The following DERPC variants were observed in gnomAD, a reference collection of about 807,000 sequenced individuals.
DERPC encodes the protein DERPC proline and glycine rich nuclear protein.
In DERPC, 1 loss-of-function variant was observed where a neutral mutation model predicts 7.2. The ratio of observed to expected loss-of-function variants is 0.14; its 90% CI spans 0.05 to 0.66. The LOEUF is 0.66. Ranked by LOEUF, DERPC falls within the 30% of genes least tolerant of loss-of-function variation. The pLI, the probability that DERPC is intolerant of heterozygous loss-of-function variation, is 0.84. For missense variants in DERPC, 502 were observed against 299.4 expected (o/e 1.68, Z -4.99); for synonymous variants, 185 against 117.6 (o/e 1.57, Z -3.71).
At position 69,118,391 on chromosome 16, in the gene DERPC, G is replaced by C. The variant is rs766558916; in HGVS notation, c.*463C>G. 6.2e-7 allele frequency: 1 copy of C among 1,613,146 alleles called. No homozygotes were observed. Among genetic ancestry groups the C allele is most frequent in the African/African-American group, 1.3e-5 (1 of 74,868 alleles). On this transcript the variant is annotated 3_prime_UTR_variant, in exon 3 of 3. Coordinates refer to ENST00000519520, the MANE Select transcript of DERPC (RefSeq NM_001002847.4). The stretch of plus-strand genomic sequence containing the variant: ...AGGTATGGCAGTAGAGGATGACCAG[G>C]TCCAAGCTGCCCAGGTCAGAGCTAC...
intron 1 of DERPC, among the ~76,000 whole-genome samples, chr16:69,126,952 A>C (rs1962103628): frequency 6.6e-6 from 1 of 152,164 alleles, no homozygotes; most frequent in South Asian, 2.1e-4. Context: ...AGAATTGATT[A>C]AAAAGTGTAT....
chr16:69,127,295 A>G (rs1417105474), intron 1 of DERPC, among the ~76,000 whole-genome samples: 1 of 151,970 alleles, frequency 6.6e-6, no homozygotes, highest in Non-Finnish European at 1.5e-5. Flanking sequence ...CATCCCCTTG[A>G]GAGTAGACAG....
chr16:69,128,520 G>A (rs1237227476), intron 1 of DERPC, among the ~76,000 whole-genome samples: 1 of 152,136 alleles, frequency 6.6e-6, no homozygotes, highest in Non-Finnish European at 1.5e-5. Flanking sequence ...TGATCTTTAT[G>A]GGCCTTCACG....
chr16:69,121,621 G>GTGCATGT lies in DERPC; in HGVS notation c.-279-129_-279-128insACATGCA. 7 of 569,860 alleles carry GTGCATGT rather than the reference G, an allele frequency of 1.2e-5. No individual in the cohort carries two copies. The Admixed American group carries it at 2.1e-4, about 17-fold the overall frequency. 35.3% of individuals were successfully genotyped at this position (569,860 alleles called of 1,614,324 possible). On this transcript the variant is annotated intron_variant, in intron 1 of 2. Coordinates refer to ENST00000519520, the MANE Select transcript of DERPC (RefSeq NM_001002847.4). ...GCCTCCCGAGTAGCTGGGAATACAG[G>GTGCATGT]CACCCACCACTATGGCCAGCTAACT... is the stretch of plus-strand genomic sequence containing the variant.
intron 1 of DERPC, among the ~76,000 whole-genome samples, chr16:69,129,701 T>C (rs952747509): frequency 2.6e-5 from 4 of 152,146 alleles, no homozygotes; most frequent in Non-Finnish European, 4.4e-5. Flanking sequence ...ATCTGGCCCC[T>C]CTTGCAGTTC....
At chr16:69,121,746 C>T (rs1567589713) in intron 1 of DERPC, among the ~76,000 whole-genome samples, 1 of 151,990 alleles carries the variant, frequency 6.6e-6, no homozygotes, top group Non-Finnish European at 1.5e-5. Flanking sequence ...CAGCTCACTG[C>T]AAGCTCCGCC....
chr16:69,129,782 G>A (rs900182949), intron 1 of DERPC, among the ~76,000 whole-genome samples: 5 of 152,070 alleles, frequency 3.3e-5, no homozygotes, highest in African/African-American at 9.7e-5. Flanking sequence ...TATTAGCCTC[G>A]TTCTCACAGC....
intron 1 of DERPC, among the ~76,000 whole-genome samples, 158 bp from the exon 2 acceptor site, chr16:69,121,651 G>C (rs1013813321): frequency 1.1e-4 from 17 of 149,882 alleles, no homozygotes; most frequent in African/African-American, 3.9e-4. Flanking sequence ...CTAACTTTTT[G>C]TATTTTTAGT....
intron 1 of DERPC, among the ~76,000 whole-genome samples, chr16:69,121,958 C>T (rs1183875995): frequency 4.6e-5 from 7 of 151,726 alleles, no homozygotes; most frequent in Non-Finnish European, 8.8e-5. Flanking sequence ...TGTGAGCCAC[C>T]GCGCCCGGCC....
At chr16:69,126,018 T>C (rs1962034742) in intron 1 of DERPC, among the ~76,000 whole-genome samples, 1 of 152,228 alleles carries the variant, frequency 6.6e-6, no homozygotes, top group Non-Finnish European at 1.5e-5. Flanking sequence ...ATTTAAGGAA[T>C]GGTACATTTT....
In DERPC at chr16:69,120,920, G is replaced by A. The variant is rs187934347; in HGVS notation, c.-221-271C>T. The A allele has an allele frequency of 1.9e-5, 16 of 837,746 alleles. No individual in the cohort carries two copies. Among genetic ancestry groups the A allele is most frequent in the Admixed American group, 3.5e-5 (2 of 57,426 alleles). 51.9% of individuals were successfully genotyped at this position (837,746 alleles called of 1,614,324 possible). On this transcript the variant is annotated intron_variant, in intron 2 of 2. Transcript: ENST00000519520. The surrounding 1 kb of genome is among the most constrained non-coding windows in gnomAD (Gnocchi z 4.0). ...TACTGCAGAGGTAGGGGGAGAACAA[G>A]CAGAGAGCATCGCAGATTAGCTAGG...
chr16:69,126,288 C>T lies in DERPC; in HGVS notation c.-279-4795G>A, dbSNP rs913865475. 1.8e-4 allele frequency among the ~76,000 whole-genome samples: 27 copies of T among 152,258 alleles called. 1 individual carries two copies. Among genetic ancestry groups the T allele is most frequent in the African/African-American group, 4.8e-4 (20 of 41,544 alleles). On this transcript the variant is annotated intron_variant, in intron 1 of 2. Transcript: ENST00000519520. ...GTGACCATGTGCTTGAGAAAAATGC[C>T]GAAATATTTTCAGTGCATTCTCCAT...
At chr16:69,124,859 T>C (rs978934687) in intron 1 of DERPC, among the ~76,000 whole-genome samples, 2 of 152,138 alleles carry the variant, frequency 1.3e-5, no homozygotes, top group African/African-American at 4.8e-5. Flanking sequence ...ATAGTATGAC[T>C]CTACTCCTAG....
At position 69,120,768 on chromosome 16, in the gene DERPC, G is replaced by T; in HGVS notation, c.-221-119C>A. On this transcript the variant is annotated intron_variant, in intron 2 of 2. Transcript: ENST00000519520. The surrounding 1 kb of genome is among the most constrained non-coding windows in gnomAD (Gnocchi z 4.0). ...CACCTCCAATCCCTGGTCTGGCTCT[G>T]CCATTGTTGAGCAGCCACACTGGAC... is the stretch of plus-strand genomic sequence containing the variant. The T allele has an allele frequency of 1.1e-6, 1 of 907,526 alleles. No homozygotes were observed. The highest frequency in any genetic ancestry group is 1.7e-6 in the Non-Finnish European group (1 of 581,556). The allele number at this position is 907,526 out of a possible 1,614,324, so 56.2% of individuals were successfully genotyped here. A position where few individuals can be genotyped will look rare whatever the true frequency, so the allele number is the denominator to read the frequency against.
In DERPC at chr16:69,120,374, G is replaced by T; in HGVS notation, c.55C>A (p.Pro19Thr). The T allele has an allele frequency of 6.3e-7, 1 of 1,578,218 alleles. No homozygotes were observed. The highest frequency in any genetic ancestry group is 8.7e-7 in the Non-Finnish European group (1 of 1,147,532). The change falls in exon 3 of 3, where the codon CCG (proline) becomes ACG (threonine). Residue 19 changes from proline (P) to threonine (T), a missense_variant. Physicochemically the swap from Pro to Thr is conservative, Grantham distance 38. Coordinates refer to ENST00000519520, the MANE Select transcript of DERPC (RefSeq NM_001002847.4). This position sits in a 1 kb window ranked among gnomAD's most constrained non-coding sequence, Gnocchi z 4.0. ...TCGAGCCGTCCTCGAGGTGGCAGCG[G>T]AGCACGAGTCCAAGGAGTTGGCCGC... ...RERPTPWTRA[P>T]LPPRGRLDGS...
At chr16:69,123,240 A>G (rs550978515) in intron 1 of DERPC, among the ~76,000 whole-genome samples, 1 of 151,422 alleles carries the variant, frequency 6.6e-6, no homozygotes, top group South Asian at 2.1e-4. Flanking sequence ...TCTATTTCCT[A>G]CTCTGCATGT....
chr16:69,120,430 C>A lies in DERPC; in HGVS notation c.-2G>T, dbSNP rs1301309552. ...AGGGAAAATCCGAGGTTCTTTCATA[C>A]TTTCTTGGGGACGCTGGTGATAATG... On this transcript the variant is annotated 5_prime_UTR_variant, in exon 3 of 3. Transcript: ENST00000519520. This position sits in a 1 kb window ranked among gnomAD's most constrained non-coding sequence, Gnocchi z 4.0. 5 of 1,614,136 alleles carry A rather than the reference C, an allele frequency of 3.1e-6. No individual in the cohort carries two copies. Among genetic ancestry groups the A allele is most frequent in the Non-Finnish European group, 4.2e-6 (5 of 1,180,018 alleles).
intron 1 of DERPC, among the ~76,000 whole-genome samples, chr16:69,129,335 C>T (rs1448831181): frequency 1.4e-5 from 2 of 145,702 alleles, no homozygotes; most frequent in East Asian, 4.1e-4. Flanking sequence ...GAGGCTGAGG[C>T]AGGAGAATGG....
chr16:69,119,250 G>A lies in DERPC; in HGVS notation c.1179C>T (p.Gly393=). Residue 393 remains glycine (G), a synonymous_variant, in exon 3 of 3, where the codon GGC becomes GGT. Transcript: ENST00000519520. ...ATFQRSAGLQ[G]SNPTIFPRAS... is the part of the protein sequence containing the mutation. ...CTCTTGGGAAAATGGTTGGATTTGA[G>A]CCCTGGAGGCCAGCGGACCTTTGGA... The A allele has an allele frequency of 1.4e-6, 1 of 703,036 alleles. No homozygotes were observed. Among genetic ancestry groups the A allele is most frequent in the Non-Finnish European group, 2.6e-6 (1 of 384,984 alleles). 43.5% of individuals were successfully genotyped at this position (703,036 alleles called of 1,614,324 possible).
Sources: allele counts gnomAD v4.1 joint callset (sites outside exome capture counted in the v4.1 genomes callset), GRCh38; gene constraint gnomAD v4.1.1; non-coding constraint Gnocchi (gnomAD v3.1); transcripts MANE v1.5; gene names NCBI Gene and HGNC (gene_info 2026-07-23, HGNC 2026-07-21).